The following LCTL variants were observed in gnomAD, a reference collection of about 807,000 sequenced individuals.
LCTL encodes lactase like, also known as lactase-like protein.
A neutral mutation model predicts 75.8 loss-of-function variants in LCTL; 76 were observed. The observed-to-expected ratio is 1.00, with a 90% CI of 0.83 to 1.21. LCTL has a LOEUF of 1.21. Among genes scored for constraint, LCTL ranks in the 50% most tolerant of loss-of-function variants. LCTL has a pLI of 0.00. For missense variants in LCTL, 670 were observed against 712.4 expected (o/e 0.94, Z 0.68); for synonymous variants, 271 against 268.8 (o/e 1.01, Z -0.08).
chr15:66,558,183 C>CAAGAAG, intron 6 of LCTL, 147 bp from the exon 8 acceptor site: 3 of 578,444 alleles, frequency 5.2e-6, no homozygotes, highest in Non-Finnish European at 8.5e-6. Context: ...CTTCTTTCCT[C>CAAGAAG]TAACTTCTTG....
intron 6 of LCTL, among the ~76,000 whole-genome samples, chr15:66,560,037 A>G (rs2140847972): frequency 6.6e-6 from 1 of 152,280 alleles, no homozygotes; most frequent in Admixed American, 6.5e-5. Context: ...CAGTGAGCCG[A>G]GATCACGCCG....
exon 2 of LCTL, chr15:66,564,702 C>T: frequency 2.5e-6 from 4 of 1,613,100 alleles, no homozygotes; most frequent in Non-Finnish European, 3.4e-6. Context: ...CCGTCACAGG[C>T]TACATCTGCC....
chr15:66,562,602 T>TA (rs71142312), intron 4 of LCTL, among the ~76,000 whole-genome samples: 1 of 151,770 alleles, frequency 6.6e-6, no homozygotes, highest in Non-Finnish European at 1.5e-5. Flanking sequence ...TTTTTTTTTT[T>TA]AGACGGAATT....
chr15:66,558,698 T>G (rs1483010586), intron 6 of LCTL, among the ~76,000 whole-genome samples: 2 of 149,552 alleles, frequency 1.3e-5, no homozygotes, highest in African/African-American at 2.5e-5. Flanking sequence ...TTTTTTTTTT[T>G]TTTTTTTTTT....
At chr15:66,563,398 C>A in intron 4 of LCTL, 118 bp downstream of exon 5, 1 of 617,018 alleles carries the variant, frequency 1.6e-6, no homozygotes, top group Non-Finnish European at 2.9e-6. Flanking sequence ...TCTTATAGTC[C>A]TGCGCCAGAA....
intron 8 of LCTL, among the ~76,000 whole-genome samples, chr15:66,556,714 CAA>C (rs1449688515): frequency 1.3e-5 from 2 of 152,120 alleles, no homozygotes. Flanking sequence ...CACACAAAGA[CAA>C]ATACTGTATG....
At chr15:66,554,580 A>G (rs1310738098) in intron 8 of LCTL, among the ~76,000 whole-genome samples, 1 of 152,254 alleles carries the variant, frequency 6.6e-6, no homozygotes, top group East Asian at 1.9e-4. Context: ...ATGTCCTTTC[A>G]TTGACCAATT....
At chr15:66,561,129 G>C (rs573543055) in intron 5 of LCTL, 28 bp from the exon 7 acceptor site, 5 of 1,614,014 alleles carry the variant, frequency 3.1e-6, no homozygotes, top group Non-Finnish European at 4.2e-6. Flanking sequence ...AGGACCACAG[G>C]ATCCATAAGA....
intron 6 of LCTL, among the ~76,000 whole-genome samples, chr15:66,558,750 C>T (rs1895806757): frequency 6.9e-6 from 1 of 144,844 alleles, no homozygotes; most frequent in Non-Finnish European, 1.5e-5. Flanking sequence ...GGCTGGAGTG[C>T]AGTGGTACAA....
intron 6 of LCTL, among the ~76,000 whole-genome samples, chr15:66,559,036 T>G (rs1453747064): frequency 1.3e-5 from 2 of 151,400 alleles, no homozygotes; most frequent in Non-Finnish European, 2.9e-5. Context: ...TGTTTTTTGT[T>G]TTTTTTTTCT....
intron 11 of LCTL, 110 bp downstream of exon 12, chr15:66,551,552 G>A (rs1004795663): frequency 5.3e-5 from 44 of 824,458 alleles, no homozygotes; most frequent in African/African-American, 2.6e-4. Flanking sequence ...CGCATGCCCC[G>A]TCCTCTTTCA....
chr15:66,553,251 C>T, exon 9 of LCTL: 2 of 1,551,038 alleles, frequency 1.3e-6, no homozygotes, highest in Non-Finnish European at 8.7e-7. Flanking sequence ...GCTCTGCACT[C>T]TTTCTTCCTT....
At chr15:66,556,460 A>T (rs1895741464) in intron 8 of LCTL, among the ~76,000 whole-genome samples, 1 of 152,192 alleles carries the variant, frequency 6.6e-6, no homozygotes, top group South Asian at 2.1e-4. Flanking sequence ...GCCTACCACC[A>T]TGCCCAGCTA....
At chr15:66,562,907 A>C (rs988227324) in intron 4 of LCTL, among the ~76,000 whole-genome samples, 9 of 152,234 alleles carry the variant, frequency 5.9e-5, no homozygotes, top group African/African-American at 2.2e-4. Context: ...TAAAAGACAT[A>C]TCTTTATAGT....
intron 8 of LCTL, among the ~76,000 whole-genome samples, chr15:66,555,503 T>C (rs55716167): frequency 0.089 from 13,469 of 151,512 alleles, 774 homozygotes; most frequent in Middle Eastern, 0.13. Flanking sequence ...ATCGCACCAC[T>C]GCACTCCAGT....
At chr15:66,553,954 G>A (rs1438756096) in intron 8 of LCTL, among the ~76,000 whole-genome samples, 2 of 151,840 alleles carry the variant, frequency 1.3e-5, no homozygotes, top group African/African-American at 2.4e-5. Flanking sequence ...TCAGGAGTTC[G>A]CGACCAGCCT....
At chr15:66,558,005 G>T (rs770467661) in exon 7 of LCTL, 1 of 1,607,926 alleles carries the variant, frequency 6.2e-7, no homozygotes, top group Admixed American at 1.7e-5. Flanking sequence ...GCGCCACGTG[G>T]TGTTATAAGA....
upstream of LCTL, chr15:66,565,634 A>G (rs1177964665): frequency 9.0e-6 from 4 of 443,874 alleles, no homozygotes; most frequent in Non-Finnish European, 1.6e-5. Context: ...GACCCAGCCC[A>G]TACCCCTGAG....
At chr15:66,548,505 C>T in exon 13 of LCTL, 1 of 1,602,258 alleles carries the variant, frequency 6.2e-7, no homozygotes, top group South Asian at 1.1e-5. Flanking sequence ...TCTGCCTCCT[C>T]AGGAGGAGCA....
Sources: gnomAD v4.1 joint callset for allele counts (sites outside exome capture counted in the v4.1 genomes callset) on GRCh38, gnomAD v4.1.1 for gene constraint, MANE v1.5 for transcripts, NCBI Gene and HGNC (gene_info 2026-07-23, HGNC 2026-07-21) for gene names.